MACF1: variants seen among roughly 807,000 people sequenced by gnomAD.
MACF1 encodes the protein microtubule-actin cross-linking factor 1.
In MACF1, 193 loss-of-function variants were observed where a neutral mutation model predicts 854.8. That is an observed-to-expected ratio of 0.23 (90% CI 0.20 to 0.25). The LOEUF is 0.25. MACF1 is among the 10% of genes least tolerant of loss of function. The pLI is 1.00. For missense variants in MACF1, 7,722 were observed against 8,929.1 expected (o/e 0.86, Z 5.45); for synonymous variants, 3,185 against 3,226.7 (o/e 0.99, Z 0.44).
intron 33 of MACF1, among the ~76,000 whole-genome samples, chr1:39,323,458 TTATATAA>T (rs1571335009): frequency 6.6e-6 from 1 of 150,560 alleles, no homozygotes; most frequent in East Asian, 1.9e-4. Context: ...AATTAAATTA[TTATATAA>T]TATATATTTT....
At chr1:39,434,765 T>C (rs762985654) in intron 69 of MACF1, 133 bp downstream of exon 69, 26 of 683,906 alleles carry the variant, frequency 3.8e-5, no homozygotes, top group Middle Eastern at 4.1e-4. Context: ...TAGAATTCCT[T>C]TCATAATACA....
In MACF1 at chr1:39,349,664, G is replaced by A. The variant is rs188014758; in HGVS notation, c.10965+37G>A. On this transcript the variant is annotated intron_variant, in intron 42 of 100. Coordinates refer to ENST00000564288, the MANE Select transcript of MACF1 (RefSeq NM_001394062.1). ...TCTGTCAATTTTGACACAAAGTCTC[G>A]CTCTATCGCTTAGGCTGGAGTACAG... 2,708 of 1,607,234 alleles carry A rather than the reference G, an allele frequency of 1.7e-3. 16 individuals carry two copies. The highest frequency in any genetic ancestry group is 1.0e-3 in the Non-Finnish European group (1,192 of 1,175,888).
At chr1:39,139,210 C>T (rs1032916770) in intron 2 of MACF1, among the ~76,000 whole-genome samples, 1 of 151,998 alleles carries the variant, frequency 6.6e-6, no homozygotes, top group South Asian at 2.1e-4. Flanking sequence ...CTTGAATTAC[C>T]AAAGATGCTT....
At chr1:39,261,575 C>T (rs935585779) in intron 6 of MACF1, among the ~76,000 whole-genome samples, 4 of 152,162 alleles carry the variant, frequency 2.6e-5, no homozygotes, top group African/African-American at 9.7e-5. Flanking sequence ...TCTTTTGTAT[C>T]TGGCTTTTTT....
intron 40 of MACF1, among the ~76,000 whole-genome samples, chr1:39,345,595 A>G (rs766717642): frequency 6.6e-5 from 10 of 152,226 alleles, no homozygotes; most frequent in Non-Finnish European, 1.3e-4. Flanking sequence ...TGGGTGACAG[A>G]GCAAGATCTT....
At chr1:39,157,390 T>C (rs1411844777) in intron 2 of MACF1, among the ~76,000 whole-genome samples, 3 of 152,248 alleles carry the variant, frequency 2.0e-5, no homozygotes, top group African/African-American at 7.2e-5. Flanking sequence ...GCATCCAATC[T>C]GTAATTGGGA....
intron 58 of MACF1, among the ~76,000 whole-genome samples, chr1:39,401,422 C>A (rs562179876): frequency 3.9e-5 from 6 of 152,188 alleles, no homozygotes; most frequent in Admixed American, 6.5e-5. Context: ...GGAAAGACAT[C>A]TCTTAATATT....
chr1:39,414,029 C>G, intron 58 of MACF1: 3 of 1,608,198 alleles, frequency 1.9e-6, no homozygotes, highest in Non-Finnish European at 2.5e-6. Context: ...GAGGAACCCA[C>G]CTCCTCAGCA....
intron 83 of MACF1, 67 bp downstream of exon 83, chr1:39,448,219 AT>A: frequency 6.6e-7 from 1 of 1,524,798 alleles, no homozygotes; most frequent in East Asian, 2.3e-5. Context: ...CTTGCCAAAA[AT>A]AAAAATCAGA....
chr1:39,470,962 T>C (rs1003980590), intron 97 of MACF1, among the ~76,000 whole-genome samples: 1 of 152,182 alleles, frequency 6.6e-6, no homozygotes, highest in Admixed American at 6.5e-5. Context: ...TATCTTAGTA[T>C]CTAAAATTTG....
chr1:39,303,145 A>T, intron 23 of MACF1, 67 bp downstream of exon 23: 1 of 1,543,008 alleles, frequency 6.5e-7, no homozygotes, highest in Admixed American at 1.8e-5. Flanking sequence ...CAGTGGAGGG[A>T]TGAGTGTGCA....
chr1:39,346,212 A>G (rs889687585), intron 40 of MACF1, among the ~76,000 whole-genome samples: 2 of 151,876 alleles, frequency 1.3e-5, no homozygotes, highest in African/African-American at 4.8e-5. Context: ...AGTACAAAAA[A>G]TTAGCCGGGC....
At chr1:39,148,539 A>G (rs1472651915) in intron 2 of MACF1, among the ~76,000 whole-genome samples, 1 of 152,240 alleles carries the variant, frequency 6.6e-6, no homozygotes, top group Non-Finnish European at 1.5e-5. Context: ...ATATGCATGC[A>G]ATACATATTT....
chr1:39,116,974 G>T (rs1030016874), intron 2 of MACF1, among the ~76,000 whole-genome samples: 3 of 152,174 alleles, frequency 2.0e-5, no homozygotes, highest in Admixed American at 1.3e-4. Context: ...TAGTTAATTT[G>T]TACTAGGCTT....
At chr1:39,393,196 A>AAAATATATATATAT (rs57576149) in intron 58 of MACF1, among the ~76,000 whole-genome samples, 3 of 66,574 alleles carry the variant, frequency 4.5e-5, no homozygotes, top group African/African-American at 1.7e-4. Context: ...AAAAAAAAAA[A>AAAATATATATATAT]ATATATATAT....
chr1:39,288,569 G>A (rs1453987631), intron 15 of MACF1, among the ~76,000 whole-genome samples: 1 of 151,904 alleles, frequency 6.6e-6, no homozygotes, highest in Non-Finnish European at 1.5e-5. Flanking sequence ...GGAGGCCGAG[G>A]TGGGCGGATT....
At position 39,297,743 on chromosome 1, in the gene MACF1, A is replaced by G; in HGVS notation, c.2479A>G (p.Met827Val). ...CCTTGAAGACCTGCTCCAGGACTCC[A>G]TGGTGGGTGTTGCCTCAGTGGGGAT... ...SRLEDLLQDS[M>V]DEKEQLIQSK... is the part of the protein sequence containing the mutation. Residue 827 changes from methionine (M) to valine (V), a missense_variant and splice_region_variant, in exon 21 of 101, where the codon ATG (methionine) becomes GTG (valine). Transcript: ENST00000564288. The G allele has an allele frequency of 1.2e-6, 2 of 1,614,084 alleles. No individual in the cohort carries two copies. Among genetic ancestry groups the G allele is most frequent in the South Asian group, 1.1e-5 (1 of 91,084 alleles).
chr1:39,306,376 C>T (rs868292210), intron 23 of MACF1, among the ~76,000 whole-genome samples: 1 of 152,228 alleles, frequency 6.6e-6, no homozygotes, highest in Middle Eastern at 3.4e-3. Context: ...GATCCACCCA[C>T]CTCGGCCTCT....
intron 6 of MACF1, chr1:39,268,729 C>T (rs1254770952): frequency 7.8e-6 from 10 of 1,286,250 alleles, no homozygotes; most frequent in South Asian, 7.4e-5. Flanking sequence ...TTTAAGGAGC[C>T]GAAAGAGTCA....
Sources: allele counts gnomAD v4.1 joint callset (sites outside exome capture counted in the v4.1 genomes callset), GRCh38; gene constraint gnomAD v4.1.1; transcripts MANE v1.5; gene names NCBI Gene and HGNC (gene_info 2026-07-23, HGNC 2026-07-21).